The following HS2ST1 variants were observed in gnomAD, a reference collection of about 807,000 sequenced individuals.
The protein encoded by HS2ST1 is 2-O-sulfotransferase.
A neutral mutation model predicts 42.9 loss-of-function variants in HS2ST1; 18 were observed. The observed-to-expected ratio is 0.42, with a 90% CI of 0.29 to 0.62. The LOEUF is 0.62. HS2ST1 is among the 20% of genes least tolerant of loss of function. The probability of loss-of-function intolerance (pLI) is 0.21; values close to 1 mark genes in which losing one functional copy is unlikely to be tolerated. For missense variants in HS2ST1, 334 were observed against 433.8 expected, an observed-to-expected ratio of 0.77 and a Z score of 2.04; for synonymous variants, 146 against 152.9, an observed-to-expected ratio of 0.95 and a Z score of 0.33.
At chr1:86,964,360 A>G (rs1406683372) in intron 1 of HS2ST1, among the ~76,000 whole-genome samples, 1 of 152,242 alleles carries the variant, frequency 6.6e-6, no homozygotes, top group South Asian at 2.1e-4. Context: ...TGAGCACTGA[A>G]TGAACGAGAC....
At position 87,092,619 on chromosome 1, in the gene HS2ST1, G is replaced by T; in HGVS notation, c.538G>T (p.Gly180Ter). 1 of 1,584,980 alleles carries T rather than the reference G, an allele frequency of 6.3e-7. No homozygotes were observed. Among genetic ancestry groups the T allele is most frequent in the South Asian group, 1.2e-5 (1 of 86,810 alleles). Residue 180 changes from glycine (G) to a stop codon, truncating the protein, a stop_gained, in exon 4 of 7, where the codon GGA becomes TGA. Coordinates refer to ENST00000370550, the MANE Select transcript of HS2ST1 (RefSeq NM_012262.4). LOFTEE classifies it high-confidence loss of function. ...TTCTTATTATTACTTTCTGAGATTT[G>T]GAGATGATTATAGACCAGGGTTACG... ...LVSYYYFLRF[G>*]DDYRPGLRRR...
At chr1:86,980,001 TA>T (rs1648532217) in intron 1 of HS2ST1, among the ~76,000 whole-genome samples, 1 of 152,200 alleles carries the variant, frequency 6.6e-6, no homozygotes, top group Non-Finnish European at 1.5e-5. Flanking sequence ...TTGCTCAATA[TA>T]AAAGACAAAT....
chr1:87,093,674 C>G (rs541243522), intron 4 of HS2ST1, among the ~76,000 whole-genome samples: 7 of 152,146 alleles, frequency 4.6e-5, no homozygotes, highest in African/African-American at 1.7e-4. Context: ...AGCATCATAC[C>G]TAGGTTACCC....
At chr1:86,948,906 GGTTT>G (rs140796462) in intron 1 of HS2ST1, among the ~76,000 whole-genome samples, 25 of 152,128 alleles carry the variant, frequency 1.6e-4, no homozygotes, top group African/African-American at 5.3e-4. Flanking sequence ...TTCTTAAAAA[GGTTT>G]GTTTAGAGTC....
chr1:87,044,465 CA>C (rs944457549), intron 1 of HS2ST1, among the ~76,000 whole-genome samples: 9 of 152,122 alleles, frequency 5.9e-5, no homozygotes, highest in African/African-American at 2.2e-4. Flanking sequence ...TGCCATTTAA[CA>C]TTTAAAAACA....
chr1:86,923,910 C>T (rs149842962), intron 1 of HS2ST1, among the ~76,000 whole-genome samples: 2,149 of 152,224 alleles, frequency 0.014, 24 homozygotes, highest in Non-Finnish European at 0.023. Flanking sequence ...CATTTCAAAA[C>T]CAATCATGCC....
chr1:87,040,485 C>G (rs1406858690), intron 1 of HS2ST1, among the ~76,000 whole-genome samples: 1 of 152,086 alleles, frequency 6.6e-6, no homozygotes, highest in Non-Finnish European at 1.5e-5. Context: ...ACTCTTCTGA[C>G]TGGGTTTTGC....
rs529100575 is a variant in HS2ST1 at position 87,059,056 on chromosome 1, C to T, written c.125-13878C>T. On this transcript the variant is annotated intron_variant, in intron 1 of 6. Transcript: ENST00000370550. ...CCTGGGCAACAGAGTGAGACTCCGT[C>T]TCAAAAAAATAAAAAATGAATAAAA... Among the ~76,000 whole-genome samples the T allele has an allele frequency of 2.6e-5, 4 of 152,152 alleles. No individual in the cohort carries two copies. The South Asian group carries it at 8.3e-4, about 32-fold the overall frequency.
chr1:87,062,247 TTC>T (rs1182348047), intron 1 of HS2ST1, among the ~76,000 whole-genome samples: 2 of 151,680 alleles, frequency 1.3e-5, no homozygotes, highest in African/African-American at 4.9e-5. Context: ...TTGTCTTCTG[TTC>T]TGTTTTTTTC....
At position 86,963,752 on chromosome 1, in the gene HS2ST1, C is replaced by A. The variant is rs916068459; in HGVS notation, c.124+48592C>A. ...GGCGGCCAGGCAGAGGCGCCCCCCC[C>A]CCCACCTCCCGGACGGGGCAGCTGG... On this transcript the variant is annotated intron_variant, in intron 1 of 6. Coordinates refer to ENST00000370550, the MANE Select transcript of HS2ST1 (RefSeq NM_012262.4). Among the ~76,000 whole-genome samples, 7 of 149,230 alleles carry A rather than the reference C, an allele frequency of 4.7e-5. No homozygotes were observed. The East Asian group carries it at 6.0e-4, about 13-fold the overall frequency.
intron 1 of HS2ST1, among the ~76,000 whole-genome samples, chr1:86,987,032 C>A (rs1048919248): frequency 2.6e-5 from 4 of 151,022 alleles, no homozygotes; most frequent in Non-Finnish European, 5.9e-5. Flanking sequence ...GCTACTGTTA[C>A]ACGCTTTCCA....
chr1:86,990,117 G>A (rs1570468045), intron 1 of HS2ST1, among the ~76,000 whole-genome samples: 1 of 152,174 alleles, frequency 6.6e-6, no homozygotes, highest in Non-Finnish European at 1.5e-5. Flanking sequence ...GATATTTCTG[G>A]TTCTAGATCC....
At chr1:86,930,795 G>A (rs966931113) in intron 1 of HS2ST1, among the ~76,000 whole-genome samples, 2 of 151,956 alleles carry the variant, frequency 1.3e-5, no homozygotes, top group East Asian at 1.9e-4. Context: ...TTCAAAGCAC[G>A]AAAAGTTGAG....
chr1:86,924,024 T>C (rs905692087), intron 1 of HS2ST1, among the ~76,000 whole-genome samples: 2 of 152,244 alleles, frequency 1.3e-5, no homozygotes, highest in Non-Finnish European at 2.9e-5. Flanking sequence ...CCTATGAGCC[T>C]GTAAAATCAA....
intron 1 of HS2ST1, among the ~76,000 whole-genome samples, chr1:86,959,999 A>G (rs1647786032): frequency 6.6e-6 from 1 of 152,214 alleles, no homozygotes; most frequent in Non-Finnish European, 1.5e-5. Context: ...TTATAGGAGA[A>G]CAAAGTCAGA....
In HS2ST1 at chr1:87,055,037, A is replaced by G. The variant is rs149505924; in HGVS notation, c.125-17897A>G. Among the ~76,000 whole-genome samples, 1,293 of 152,244 alleles carry G rather than the reference A, an allele frequency of 8.5e-3. 42 individuals carry two copies. The highest frequency in any genetic ancestry group is 0.068 in the Admixed American group (1,038 of 15,284). On this transcript the variant is annotated intron_variant, in intron 1 of 6. Coordinates refer to ENST00000370550, the MANE Select transcript of HS2ST1 (RefSeq NM_012262.4). ...TTTCTCTAAAAACTCAAACACATAA[A>G]TATCTGGAAATTCATGGGGCTGGGA...
chr1:87,071,729 GAAA>G (rs537202045), intron 1 of HS2ST1, among the ~76,000 whole-genome samples: 4 of 107,886 alleles, frequency 3.7e-5, no homozygotes, highest in Admixed American at 1.0e-4. Flanking sequence ...CTCTGTCTCC[GAAA>G]AAAAAAAAAA....
chr1:86,927,127 A>G (rs1448394173), intron 1 of HS2ST1, among the ~76,000 whole-genome samples: 3 of 152,196 alleles, frequency 2.0e-5, no homozygotes, highest in African/African-American at 7.2e-5. Flanking sequence ...AGTTCTGTTC[A>G]GAGGCTTCTT....
chr1:86,994,080 C>A (rs999699226), intron 1 of HS2ST1, among the ~76,000 whole-genome samples: 2 of 151,986 alleles, frequency 1.3e-5, no homozygotes, highest in Admixed American at 1.3e-4. Context: ...ATCTAGTGTT[C>A]TAAGAAGTAT....
Sources: allele counts gnomAD v4.1 joint callset (sites outside exome capture counted in the v4.1 genomes callset), GRCh38; gene constraint gnomAD v4.1.1; transcripts MANE v1.5; gene names NCBI Gene and HGNC (gene_info 2026-07-23, HGNC 2026-07-21).